The following PFKFB2 variants were observed in gnomAD, a reference collection of about 807,000 sequenced individuals.
PFKFB2 encodes the protein 6-phosphofructo-2-kinase/fructose-2,6-bisphosphatase 2.
A neutral mutation model predicts 68.0 loss-of-function variants in PFKFB2; 53 were observed. The ratio of observed to expected loss-of-function variants is 0.78; its 90% confidence interval spans 0.63 to 0.98. The LOEUF (loss-of-function observed/expected upper bound fraction) is 0.98. Among genes scored for constraint, PFKFB2 ranks in the 50% least tolerant of loss-of-function variants. The pLI, the probability that PFKFB2 is intolerant of heterozygous loss-of-function variation, is 0.00. For synonymous variants in PFKFB2, 222 were observed against 227.6 expected (o/e 0.98, Z 0.22); for missense variants, 451 against 642.0 (o/e 0.70, Z 3.22).
At chr1:207,040,873 GA>G (rs1190961026) in intron 1 of PFKFB2, among the ~76,000 whole-genome samples, 1 of 146,226 alleles carries the variant, frequency 6.8e-6, no homozygotes, top group African/African-American at 2.5e-5. Context: ...AAAGAGGACA[GA>G]AAAAAACTAC....
At position 207,076,834 on chromosome 1, in the gene PFKFB2, C is replaced by T; in HGVS notation, c.*4463C>T. On this transcript the variant is annotated 3_prime_UTR_variant, in exon 15 of 15. Transcript: ENST00000367080. Reference sequence around the variant, plus strand: ...ATTTGGGTGTTGCCTGACTAACGGTCTAGGGTCTGTAAGCTGACAGTCTGC... The same window carrying T: ...ATTTGGGTGTTGCCTGACTAACGGTTTAGGGTCTGTAAGCTGACAGTCTGC... 1.0e-6 allele frequency: 1 copy of T among 985,278 alleles called. No individual in the cohort carries two copies. Among genetic ancestry groups the T allele is most frequent in the Non-Finnish European group, 1.2e-6 (1 of 829,876 alleles). 61.0% of individuals were successfully genotyped at this position (985,278 alleles called of 1,614,324 possible). A position where few individuals can be genotyped will look rare whatever the true frequency, so the allele number is the denominator to read the frequency against.
Position 207,063,567 on chromosome 1 carries a change from TTTTCATTCAGGTCC to T in PFKFB2, c.450+151_450+164del. 1 of 756,228 alleles carries T rather than the reference TTTTCATTCAGGTCC, an allele frequency of 1.3e-6. No individual in the cohort carries two copies. The highest frequency in any genetic ancestry group is 1.6e-5 in the South Asian group (1 of 64,432). 46.8% of individuals were successfully genotyped at this position (756,228 alleles called of 1,614,324 possible). A position where few individuals can be genotyped will look rare whatever the true frequency, so the allele number is the denominator to read the frequency against. On this transcript the variant is annotated intron_variant, in intron 6 of 14. Coordinates refer to ENST00000367080, the MANE Select transcript of PFKFB2 (RefSeq NM_006212.2). The surrounding 1 kb of genome is among the most constrained non-coding windows in gnomAD (Gnocchi z 4.1). Reference sequence around the variant, plus strand: ...AGAGCATTCCCCCAGTCCTTGAGTGTTTTCATTCAGGTCCTTTCTCAGACTGTTAGCCTGTATGT... The same window carrying T: ...AGAGCATTCCCCCAGTCCTTGAGTGTTTTCTCAGACTGTTAGCCTGTATGT...
chr1:207,063,482 G>A lies in PFKFB2; in HGVS notation c.450+61G>A. The A allele has an allele frequency of 8.9e-7, 1 of 1,126,918 alleles. No individual in the cohort carries two copies. The highest frequency in any genetic ancestry group is 1.3e-6 in the Non-Finnish European group (1 of 748,482). The allele number at this position is 1,126,918 out of a possible 1,614,324, so 69.8% of individuals were successfully genotyped here. A position where few individuals can be genotyped will look rare whatever the true frequency, so the allele number is the denominator to read the frequency against. On this transcript the variant is annotated intron_variant, in intron 6 of 14. Coordinates refer to ENST00000367080, the MANE Select transcript of PFKFB2 (RefSeq NM_006212.2). This position sits in a 1 kb window ranked among gnomAD's most constrained non-coding sequence, Gnocchi z 4.1. ...AGTAGAGGTGGGGAGTCAGGCTACA[G>A]GCATGGATCTCTCACTCTAGTGGGT... is the stretch of plus-strand genomic sequence containing the variant.
intron 2 of PFKFB2, chr1:207,044,332 A>G (rs1366472728): frequency 1.3e-5 from 2 of 152,600 alleles, no homozygotes; most frequent in Non-Finnish European, 2.9e-5. Context: ...TGCTAAGTAC[A>G]TATTTCCTGT....
Position 207,062,004 on chromosome 1 carries a change from TGCCA to T in PFKFB2, c.141_144del (p.Ala48GlyfsTer10). On this transcript the variant is annotated frameshift_variant, in exon 3 of 15. Coordinates refer to ENST00000367080, the MANE Select transcript of PFKFB2 (RefSeq NM_006212.2). LOFTEE classifies it high-confidence loss of function. Reference sequence around the variant, plus strand: ...CCGACTCTGATCGTTATGATTGGTTTGCCAGCCCGGGGTAAAACCTACGTGTCCA... The same window carrying T: ...CCGACTCTGATCGTTATGATTGGTTTGCCCGGGGTAAAACCTACGTGTCCA... 6.2e-7 allele frequency: 1 copy of T among 1,614,250 alleles called. No individual in the cohort carries two copies. Among genetic ancestry groups the T allele is most frequent in the South Asian group, 1.1e-5 (1 of 91,086 alleles).
intron 2 of PFKFB2, among the ~76,000 whole-genome samples, chr1:207,061,174 T>TATATATATA (rs1683100710): frequency 4.7e-5 from 3 of 64,352 alleles, no homozygotes; most frequent in Non-Finnish European, 2.8e-5. Flanking sequence ...TTTATATATA[T>TATATATATA]ATATATATAT....
At position 207,070,620 on chromosome 1, in the gene PFKFB2, C is replaced by T. The variant is rs1168927591; in HGVS notation, c.1222+211C>T. ...GAAAGCTTCCAATGGAGAGTGGCTG[C>T]TGCTGGTGCTCCTTGATCCTGCCTG... On this transcript the variant is annotated intron_variant, in intron 12 of 14. Coordinates refer to ENST00000367080, the MANE Select transcript of PFKFB2 (RefSeq NM_006212.2). This position sits in a 1 kb window ranked among gnomAD's most constrained non-coding sequence, Gnocchi z 4.2. The T allele has an allele frequency of 1.9e-6, 1 of 515,932 alleles. No individual in the cohort carries two copies. The highest frequency in any genetic ancestry group is 3.5e-6 in the Non-Finnish European group (1 of 288,824). The allele number at this position is 515,932 out of a possible 1,614,324, so 32.0% of individuals were successfully genotyped here.
intron 2 of PFKFB2, among the ~76,000 whole-genome samples, chr1:207,059,677 C>A (rs2629651): frequency 1.3e-5 from 2 of 152,170 alleles, no homozygotes; most frequent in Non-Finnish European, 2.9e-5. Context: ...GACCCCAGGT[C>A]TGGGCCTCCA....
rs775487245 is a variant in PFKFB2 at position 207,063,799 on chromosome 1, T to A, written c.477T>A (p.Asp159Glu). The A allele has an allele frequency of 4.3e-5, 70 of 1,613,904 alleles. No individual in the cohort carries two copies. The highest frequency in any genetic ancestry group is 5.8e-5 in the Non-Finnish European group (68 of 1,179,878). ...FKVFFVESVC[D>E]DPDVIAANIL... ...TATTCTTTGTGGAATCCGTCTGTGATGATCCTGATGTCATTGCTGCCAATA... is the reference window on the plus strand; with the variant it reads ...TATTCTTTGTGGAATCCGTCTGTGAAGATCCTGATGTCATTGCTGCCAATA... Residue 159 changes from aspartate (D) to glutamate (E), a missense_variant, in exon 7 of 15, where the codon GAT becomes GAA. By Grantham distance (45) the Asp-to-Glu change is conservative. Coordinates refer to ENST00000367080, the MANE Select transcript of PFKFB2 (RefSeq NM_006212.2). The surrounding 1 kb of genome is among the most constrained non-coding windows in gnomAD (Gnocchi z 4.1).
chr1:207,079,106 G>C, downstream of PFKFB2: 4 of 1,174,212 alleles, frequency 3.4e-6, no homozygotes, highest in Non-Finnish European at 3.8e-6. Flanking sequence ...GCTAGAACAG[G>C]AAGTTAAGTG....
rs558295196 is a variant in PFKFB2 at position 207,041,086 on chromosome 1, G to A, written c.-61-1083G>A. On this transcript the variant is annotated intron_variant, in intron 1 of 5. Transcript: ENST00000545806. ...TGGGACTACAGGCGCCCGCCACCAC[G>A]CCCGGCTACTTTTTGTATTTTTAGT... Among the ~76,000 whole-genome samples, 19 of 151,736 alleles carry A rather than the reference G, an allele frequency of 1.3e-4. No homozygotes were observed. The South Asian group carries it at 4.0e-3, about 32-fold the overall frequency.
In PFKFB2 at chr1:207,069,466, T is replaced by A. The variant is rs1185853060; in HGVS notation, c.1030T>A (p.Tyr344Asn). 1 of 1,613,978 alleles carries A rather than the reference T, an allele frequency of 6.2e-7. No homozygotes were observed. The highest frequency in any genetic ancestry group is 8.5e-7 in the Non-Finnish European group (1 of 1,179,950). The change falls in exon 11 of 15, where the codon TAC becomes AAC. Residue 344 changes from tyrosine to asparagine, a missense_variant. By Grantham distance (143) the Tyr-to-Asn change is moderately radical (BLOSUM62 -2). Transcript: ENST00000367080. ...GACCTATGCAGAGATTGAGAAACGG[T>A]ACCCAGAAGAGTTTGCACTTCGAGA... is the stretch of plus-strand genomic sequence containing the variant. ...EMTYAEIEKR[Y>N]PEEFALRDQE...
In PFKFB2 at chr1:207,070,161, T is replaced by C; in HGVS notation, c.1093-119T>C. 1 of 1,200,920 alleles carries C rather than the reference T, an allele frequency of 8.3e-7. No homozygotes were observed. The highest frequency in any genetic ancestry group is 1.2e-6 in the Non-Finnish European group (1 of 849,848). The allele number at this position is 1,200,920 out of a possible 1,614,324, so 74.4% of individuals were successfully genotyped here. A position where few individuals can be genotyped will look rare whatever the true frequency, so the allele number is the denominator to read the frequency against. ...GCAGGTGATGTAAACTCACTGAGCC[T>C]CCAGGAGGAAAGCCAGCTGAGGAAG... On this transcript the variant is annotated intron_variant, in intron 11 of 14. Transcript: ENST00000367080. This position sits in a 1 kb window ranked among gnomAD's most constrained non-coding sequence, Gnocchi z 4.2.
At chr1:207,041,517 G>A (rs1682480445) in intron 1 of PFKFB2, among the ~76,000 whole-genome samples, 1 of 152,158 alleles carries the variant, frequency 6.6e-6, no homozygotes. Flanking sequence ...AGTTTGCTGA[G>A]AATGATGGTT....
chr1:207,068,223 A>G lies in PFKFB2; in HGVS notation c.901A>G (p.Thr301Ala). The change falls in exon 10 of 15, where the codon ACA becomes GCA. Residue 301 changes from threonine (T) to alanine (A), a missense_variant. Coordinates refer to ENST00000367080, the MANE Select transcript of PFKFB2 (RefSeq NM_006212.2). ...EQEITDLKVW[T>A]SQLKRTIQTA... ...GGAAATAACAGACCTCAAAGTGTGG[A>G]CAAGCCAGTTGAAGAGGACCATACA... 1 of 1,613,462 alleles carries G rather than the reference A, an allele frequency of 6.2e-7. No homozygotes were observed. Among genetic ancestry groups the G allele is most frequent in the Non-Finnish European group, 8.5e-7 (1 of 1,179,762 alleles).
At position 207,070,073 on chromosome 1, in the gene PFKFB2, G is replaced by A. The variant is rs1359943678; in HGVS notation, c.1093-207G>A. Among the ~76,000 whole-genome samples, 1 of 152,196 alleles carries A rather than the reference G, an allele frequency of 6.6e-6. No homozygotes were observed. Among genetic ancestry groups the A allele is most frequent in the African/African-American group, 2.4e-5 (1 of 41,434 alleles). ...CTCTTCTTAACCTGTAGTTTTCTTGGTCTAAATATTGCTTTTGAAAGATCT... is the reference window on the plus strand; with the variant it reads ...CTCTTCTTAACCTGTAGTTTTCTTGATCTAAATATTGCTTTTGAAAGATCT... On this transcript the variant is annotated intron_variant, in intron 11 of 14. Coordinates refer to ENST00000367080, the MANE Select transcript of PFKFB2 (RefSeq NM_006212.2). The surrounding 1 kb of genome is among the most constrained non-coding windows in gnomAD (Gnocchi z 4.2).
In PFKFB2 at chr1:207,074,514, T is replaced by C. The variant is rs145001863; in HGVS notation, c.*2143T>C. On this transcript the variant is annotated 3_prime_UTR_variant, in exon 15 of 15. Transcript: ENST00000367080. ...GATAAAGGTTGTCATCACTGGCAAC[T>C]GACTCCTGACCCCGGGTCCTTTACT... is the stretch of plus-strand genomic sequence containing the variant. 218 of 985,430 alleles carry C rather than the reference T, an allele frequency of 2.2e-4. No individual in the cohort carries two copies. The Admixed American group carries it at 2.7e-3, about 12-fold the overall frequency. The allele number at this position is 985,430 out of a possible 1,614,324, so 61.0% of individuals were successfully genotyped here.
At position 207,063,293 on chromosome 1, in the gene PFKFB2, G is replaced by T; in HGVS notation, c.376-54G>T. The T allele has an allele frequency of 6.3e-7, 1 of 1,583,044 alleles. No homozygotes were observed. Among genetic ancestry groups the T allele is most frequent in the Non-Finnish European group, 8.7e-7 (1 of 1,151,650 alleles). On this transcript the variant is annotated intron_variant, in intron 5 of 14. Coordinates refer to ENST00000367080, the MANE Select transcript of PFKFB2 (RefSeq NM_006212.2). This position sits in a 1 kb window ranked among gnomAD's most constrained non-coding sequence, Gnocchi z 4.1. ...CCAGCCCCACCTTGAGTCTGCCCTG[G>T]TGGGGTTCTGTTTCTCTGTTCCTGC... is the stretch of plus-strand genomic sequence containing the variant.
At chr1:207,044,793 T>A (rs528374878) in intron 2 of PFKFB2, 1 of 152,622 alleles carries the variant, frequency 6.6e-6, no homozygotes, top group African/African-American at 2.4e-5. Context: ...TCTTTATCAG[T>A]GGTACTTTGT....
Sources: gnomAD v4.1 joint callset for allele counts (sites outside exome capture counted in the v4.1 genomes callset) on GRCh38, gnomAD v4.1.1 for gene constraint, Gnocchi (gnomAD v3.1) non-coding constraint, MANE v1.5 for transcripts, NCBI Gene and HGNC (gene_info 2026-07-23, HGNC 2026-07-21) for gene names.